Variants in PRR16 observed in about 807,000 individuals in gnomAD.
The protein encoded by PRR16 is protein Largen.
PRR16 carries 6 observed loss-of-function variants against 18.2 expected under a neutral mutation model. The observed-to-expected ratio is 0.33, with a 90% confidence interval of 0.18 to 0.65. The LOEUF is 0.65. Ranked by LOEUF, PRR16 falls within the 30% of genes least tolerant of loss-of-function variation. PRR16 has a pLI of 0.74. For synonymous variants in PRR16, 151 were observed against 147.8 expected (o/e 1.02, Z -0.16); for missense variants, 412 against 376.6 (o/e 1.09, Z -0.78).
intron 1 of PRR16, among the ~76,000 whole-genome samples, chr5:120,571,310 C>T (rs1752899755): frequency 6.6e-6 from 1 of 152,082 alleles, no homozygotes; most frequent in Non-Finnish European, 1.5e-5. Flanking sequence ...AAGTCTTCTG[C>T]ACAGAGGGAA....
chr5:120,770,926 ACT>A, the PRR16 span, among the ~76,000 whole-genome samples: 21 of 131,414 alleles, frequency 1.6e-4, no homozygotes, highest in African/African-American at 5.1e-4. Context: ...TCATTGGAAC[ACT>A]CTCTCTCTCT....
At chr5:120,476,024 C>T (rs1749429891) in intron 1 of PRR16, among the ~76,000 whole-genome samples, 2 of 152,080 alleles carry the variant, frequency 1.3e-5, no homozygotes, top group South Asian at 4.1e-4. Context: ...TGCTTTCTTT[C>T]CCGCTGCCAC....
At chr5:120,572,918 C>A (rs919173210) in intron 1 of PRR16, among the ~76,000 whole-genome samples, 2 of 152,048 alleles carry the variant, frequency 1.3e-5, no homozygotes, top group Non-Finnish European at 2.9e-5. Context: ...TGGGTGACTT[C>A]TATAGTAGAT....
At chr5:120,725,564 A>G in the PRR16 span, among the ~76,000 whole-genome samples, 2 of 151,852 alleles carry the variant, frequency 1.3e-5, no homozygotes, top group Non-Finnish European at 2.9e-5. Context: ...TTAACCCTAG[A>G]TGCTTGGAAA....
chr5:120,551,244 A>C (rs906841720), intron 1 of PRR16, among the ~76,000 whole-genome samples: 7 of 151,992 alleles, frequency 4.6e-5, no homozygotes, highest in Non-Finnish European at 1.0e-4. Flanking sequence ...AATTCTGTAT[A>C]TAAATAAGAT....
At chr5:120,753,231 G>A in the PRR16 span, among the ~76,000 whole-genome samples, 12 of 152,056 alleles carry the variant, frequency 7.9e-5, no homozygotes, top group South Asian at 2.1e-4. Context: ...GGAGCGGAGC[G>A]AATAAGAAAT....
chr5:120,466,356 G>T (rs572134838), intron 1 of PRR16, among the ~76,000 whole-genome samples: 1 of 152,250 alleles, frequency 6.6e-6, no homozygotes, highest in Admixed American at 6.5e-5. Flanking sequence ...AGTTGGTGAG[G>T]TTTCTATGGG....
At chr5:120,486,598 C>T (rs1022775497) in intron 1 of PRR16, among the ~76,000 whole-genome samples, 57 of 152,196 alleles carry the variant, frequency 3.7e-4, no homozygotes, top group South Asian at 3.5e-3. Flanking sequence ...CTGTAGGTTG[C>T]CTGTTCACTC....
chr5:120,718,968 G>A, the PRR16 span, among the ~76,000 whole-genome samples: 2 of 152,076 alleles, frequency 1.3e-5, no homozygotes, highest in Non-Finnish European at 1.5e-5. Flanking sequence ...TAGATTAAGG[G>A]GAGCAGTCAG....
chr5:120,647,760 T>C (rs1046847169), intron 1 of PRR16, among the ~76,000 whole-genome samples: 2 of 152,110 alleles, frequency 1.3e-5, no homozygotes, highest in Non-Finnish European at 2.9e-5. Flanking sequence ...GATCTTTGCA[T>C]AAGTATCCAC....
the PRR16 span, among the ~76,000 whole-genome samples, chr5:120,769,882 A>G: frequency 2.0e-5 from 3 of 151,686 alleles, no homozygotes; most frequent in Admixed American, 2.0e-4. Context: ...TTTTCTTTTG[A>G]TTTTTTAATA....
At chr5:120,495,691 G>C (rs914455597) in intron 1 of PRR16, among the ~76,000 whole-genome samples, 1 of 151,974 alleles carries the variant, frequency 6.6e-6, no homozygotes, top group Admixed American at 6.6e-5. Flanking sequence ...AGATATATAT[G>C]ATTACCTTGT....
the PRR16 span, among the ~76,000 whole-genome samples, chr5:120,712,482 C>T: frequency 6.6e-6 from 1 of 151,742 alleles, no homozygotes; most frequent in Non-Finnish European, 1.5e-5. Context: ...TAAGACTATG[C>T]ACAGCAAAGG....
the PRR16 span, among the ~76,000 whole-genome samples, chr5:120,780,204 A>G: frequency 1.8e-3 from 276 of 152,278 alleles, no homozygotes; most frequent in African/African-American, 6.3e-3. Context: ...CCTACCAGGC[A>G]CTGTATTTAG....
intron 1 of PRR16, among the ~76,000 whole-genome samples, chr5:120,638,390 G>A (rs1580816871): frequency 1.3e-5 from 2 of 152,054 alleles, no homozygotes; most frequent in Admixed American, 1.3e-4. Flanking sequence ...CTTAAACAAT[G>A]TATTTGAGCC....
the PRR16 span, among the ~76,000 whole-genome samples, chr5:120,709,193 G>C: frequency 0.44 from 66,328 of 150,930 alleles, 15,806 homozygotes; most frequent in East Asian, 0.83. Flanking sequence ...ATTTTTAGTA[G>C]AGACGGGGTT....
At chr5:120,765,232 C>T in the PRR16 span, among the ~76,000 whole-genome samples, 1 of 152,030 alleles carries the variant, frequency 6.6e-6, no homozygotes, top group Non-Finnish European at 1.5e-5. Flanking sequence ...TTTTCCCTTA[C>T]ATATCGCATG....
At chr5:120,703,507 T>C in the PRR16 span, among the ~76,000 whole-genome samples, 1 of 152,204 alleles carries the variant, frequency 6.6e-6, no homozygotes, top group Non-Finnish European at 1.5e-5. Context: ...CACAGCATTG[T>C]TTCTTTTGTG....
intron 1 of PRR16, among the ~76,000 whole-genome samples, chr5:120,509,472 T>C (rs991973626): frequency 1.3e-5 from 2 of 152,058 alleles, no homozygotes; most frequent in Non-Finnish European, 2.9e-5. Flanking sequence ...AGGTTCTGTT[T>C]TTCTCAGAGT....
Sources: gnomAD v4.1 joint callset for allele counts (sites outside exome capture counted in the v4.1 genomes callset) on GRCh38, gnomAD v4.1.1 for gene constraint, MANE v1.5 for transcripts, NCBI Gene and HGNC (gene_info 2026-07-23, HGNC 2026-07-21) for gene names.